The following NPHP4 variants were observed in gnomAD, a reference collection of about 807,000 sequenced individuals.
NPHP4 encodes the protein nephrocystin-4.
Under a neutral mutation model 155.8 loss-of-function variants are expected in NPHP4, and 151 were observed. The ratio of observed to expected loss-of-function variants is 0.97; its 90% CI spans 0.85 to 1.11. NPHP4 has a LOEUF of 1.11. NPHP4 is among the 50% of genes least tolerant of loss of function. The pLI is 0.00. For synonymous variants in NPHP4, 845 were observed against 816.8 expected (o/e 1.03, Z -0.59); for missense variants, 1,956 against 1,925.7 (o/e 1.02, Z -0.29).
At position 5,978,308 on chromosome 1, in the gene NPHP4, G is replaced by A. The variant is rs1221289184; in HGVS notation, c.241C>T (p.Pro81Ser). 1 of 1,609,112 alleles carries A rather than the reference G, an allele frequency of 6.2e-7. No individual in the cohort carries two copies. The highest frequency in any genetic ancestry group is 8.5e-7 in the Non-Finnish European group (1 of 1,178,008). The change falls in exon 3 of 30, where the codon CCG (proline) becomes TCG (serine). Residue 81 changes from proline (P) to serine (S), a missense_variant. Transcript: ENST00000378156. ...ATCCTGGACGGCGGTCTCTTCGTCG[G>A]CTTCACTGTGGTTTTCCACGTCCTC... is the stretch of plus-strand genomic sequence containing the variant. ...FGRTWKTTVK[P>S]TKRPPSRIVF...
intron 3 of NPHP4, among the ~76,000 whole-genome samples, chr1:5,974,402 C>T (rs1034565482): frequency 6.6e-6 from 1 of 152,218 alleles, no homozygotes; most frequent in Non-Finnish European, 1.5e-5. Flanking sequence ...AGTCACACTA[C>T]ACCGGCCACA....
At chr1:5,906,975 C>A in intron 13 of NPHP4, 140 bp downstream of exon 13, 1 of 485,414 alleles carries the variant, frequency 2.1e-6, no homozygotes, top group South Asian at 4.2e-5. Flanking sequence ...TAAGCAATGC[C>A]CCACTCCCAC....
At chr1:5,885,303 C>G (rs1289851287) in intron 18 of NPHP4, among the ~76,000 whole-genome samples, 1 of 149,546 alleles carries the variant, frequency 6.7e-6, no homozygotes, top group East Asian at 2.0e-4. Context: ...AGAAAAACCC[C>G]CGTCCTACTC....
intron 7 of NPHP4, among the ~76,000 whole-genome samples, chr1:5,948,627 C>T (rs529983351): frequency 6.6e-6 from 1 of 152,224 alleles, no homozygotes; most frequent in East Asian, 1.9e-4. Context: ...ACAGCCCACT[C>T]CCCCAGAGCC....
At chr1:5,879,789 A>ACG (rs1643029723) in intron 19 of NPHP4, among the ~76,000 whole-genome samples, 1 of 128,692 alleles carries the variant, frequency 7.8e-6, no homozygotes, top group Non-Finnish European at 1.6e-5. Context: ...ACACACACAC[A>ACG]CACACGCAAA....
chr1:5,913,601 A>T (rs1645301335), intron 11 of NPHP4, among the ~76,000 whole-genome samples: 1 of 152,210 alleles, frequency 6.6e-6, no homozygotes, highest in African/African-American at 2.4e-5. Flanking sequence ...CAACCCCGGG[A>T]GGCCACGCAT....
At position 5,927,685 on chromosome 1, in the gene NPHP4, G is replaced by A. The variant is rs758253306; in HGVS notation, c.1405C>T (p.Arg469Trp). 71 of 1,612,360 alleles carry A rather than the reference G, an allele frequency of 4.4e-5. No homozygotes were observed. The highest frequency in any genetic ancestry group is 9.9e-5 in the South Asian group (9 of 91,044). ...GTGGGTGGTTTCCTGGAAGGCCGCC[G>A]CTCCACTTTGGGGCCACTGACAGGC... ...TEPVSGPKVE[R>W]RPSRKPPTSP... The change falls in exon 11 of 30, where the codon CGG becomes TGG. Residue 469 changes from arginine to tryptophan, a missense_variant. Transcript: ENST00000378156.
chr1:5,893,181 A>G (rs1270274756), intron 16 of NPHP4, among the ~76,000 whole-genome samples: 1 of 152,214 alleles, frequency 6.6e-6, no homozygotes, highest in Non-Finnish European at 1.5e-5. Context: ...CCAGCCTCAC[A>G]GGGTCGGTGG....
At chr1:5,973,052 T>A (rs574051349) in intron 3 of NPHP4, among the ~76,000 whole-genome samples, 2 of 152,278 alleles carry the variant, frequency 1.3e-5, no homozygotes, top group East Asian at 3.9e-4. Flanking sequence ...GCCCAGCTAA[T>A]CTTTAAATTT....
At chr1:5,866,655 TGGATCTCAACA>T (rs1046772692) in intron 25 of NPHP4, among the ~76,000 whole-genome samples, 197 bp from the exon 26 acceptor site, 2 of 152,246 alleles carry the variant, frequency 1.3e-5, no homozygotes, top group African/African-American at 4.8e-5. Flanking sequence ...TGATTTTACA[TGGATCTCAACA>T]ATTAGATTCT....
In NPHP4 at chr1:5,867,676, G is replaced by A; in HGVS notation, c.3472+64C>T. 6.4e-7 allele frequency: 1 copy of A among 1,552,188 alleles called. No homozygotes were observed. The highest frequency in any genetic ancestry group is 8.8e-7 in the Non-Finnish European group (1 of 1,139,544). On this transcript the variant is annotated intron_variant, in intron 24 of 29. Coordinates refer to ENST00000378156, the MANE Select transcript of NPHP4 (RefSeq NM_015102.5). This position sits in a 1 kb window ranked among gnomAD's most constrained non-coding sequence, Gnocchi z 4.1. ...CCATGAGGCCATCTGTCACCCTCAA[G>A]AGGTATCTACTTCCAACAGGTGAGC...
intron 23 of NPHP4, chr1:5,868,298 G>A (rs981561393): frequency 5.6e-5 from 19 of 340,378 alleles, no homozygotes; most frequent in Non-Finnish European, 6.3e-5. Flanking sequence ...GGTGGTGGCA[G>A]GGCCAAGTTC....
intron 11 of NPHP4, among the ~76,000 whole-genome samples, chr1:5,909,918 C>T (rs989193391): frequency 6.6e-6 from 1 of 152,182 alleles, no homozygotes; most frequent in Non-Finnish European, 1.5e-5. Context: ...GCCCAGCTGG[C>T]ATTTGTGCTG....
chr1:5,956,836 A>G (rs1649330408), intron 6 of NPHP4, among the ~76,000 whole-genome samples: 1 of 152,186 alleles, frequency 6.6e-6, no homozygotes, highest in Non-Finnish European at 1.5e-5. Context: ...ATACATCTTT[A>G]TGAGCAGGCC....
chr1:5,967,449 G>A (rs968529238), intron 4 of NPHP4, 86 bp from the exon 5 acceptor site: 26 of 986,580 alleles, frequency 2.6e-5, no homozygotes, highest in South Asian at 2.1e-4. Flanking sequence ...CCACCACCAC[G>A]CCCACTAGAG....
Position 5,867,713 on chromosome 1 carries a change from G to A in NPHP4, c.3472+27C>T, listed in dbSNP as rs377090311. ...TCCAACAGGTGAGCCTGCAACATGT[G>A]GGCTGCAGGGTCAGTGCAGGACCTG... On this transcript the variant is annotated intron_variant, in intron 24 of 29. Transcript: ENST00000378156. The surrounding 1 kb of genome is among the most constrained non-coding windows in gnomAD (Gnocchi z 4.1). The A allele has an allele frequency of 2.5e-5, 40 of 1,603,732 alleles. No individual in the cohort carries two copies. Among genetic ancestry groups the A allele is most frequent in the Non-Finnish European group, 3.1e-5 (37 of 1,177,796 alleles).
chr1:5,965,658 G>A (rs144664622), intron 5 of NPHP4, among the ~76,000 whole-genome samples: 3 of 152,204 alleles, frequency 2.0e-5, no homozygotes, highest in African/African-American at 7.2e-5. Flanking sequence ...GTGACAGGAG[G>A]GGACCAGACA....
At chr1:5,927,562 C>A (rs1198383395) in intron 11 of NPHP4, 87 bp downstream of exon 11, 1 of 1,334,412 alleles carries the variant, frequency 7.5e-7, no homozygotes, top group East Asian at 2.3e-5. Flanking sequence ...TGGTGATTAC[C>A]GTACTAGACT....
chr1:5,867,050 T>A lies in NPHP4; in HGVS notation c.3538A>T (p.Ile1180Phe), dbSNP rs956330607. The change falls in exon 25 of 30, where the codon ATC becomes TTC. Residue 1180 changes from isoleucine to phenylalanine, a missense_variant. Transcript: ENST00000378156. This position sits in a 1 kb window ranked among gnomAD's most constrained non-coding sequence, Gnocchi z 4.1. ...CCTACCACATTCTGGGTCTCACAGATGACGTTCGGGTCGCTGCAGCGAACA... is the reference window on the plus strand; with the variant it reads ...CCTACCACATTCTGGGTCTCACAGAAGACGTTCGGGTCGCTGCAGCGAACA... ...VHVRCSDPNV[I>F]CETQNVGPGE... 6.2e-6 allele frequency: 10 copies of A among 1,613,022 alleles called. No homozygotes were observed. The highest frequency in any genetic ancestry group is 1.7e-5 in the Admixed American group (1 of 59,948).
Sources: allele counts gnomAD v4.1 joint callset (sites outside exome capture counted in the v4.1 genomes callset), GRCh38; gene constraint gnomAD v4.1.1; non-coding constraint Gnocchi (gnomAD v3.1); transcripts MANE v1.5; gene names NCBI Gene and HGNC (gene_info 2026-07-23, HGNC 2026-07-21).